The following SETD2 variants were observed in gnomAD, a reference collection of about 807,000 sequenced individuals.
SETD2 encodes the protein histone-lysine N-methyltransferase SETD2.
In SETD2, 31 loss-of-function variants were observed where a neutral mutation model predicts 242.1. The observed-to-expected ratio is 0.13, with a 90% confidence interval of 0.10 to 0.17. The LOEUF (loss-of-function observed/expected upper bound fraction) is 0.17. SETD2 is among the 10% of genes least tolerant of loss of function. SETD2 has a pLI of 1.00. For missense variants in SETD2, 2,481 were observed against 3,046.3 expected, an observed-to-expected ratio of 0.81 and a Z score of 4.37; for synonymous variants, 1,006 against 1,066.5, an observed-to-expected ratio of 0.94 and a Z score of 1.11.
At chr3:47,143,855 C>T (rs1450873471) in intron 1 of SETD2, among the ~76,000 whole-genome samples, 2 of 152,086 alleles carry the variant, frequency 1.3e-5, no homozygotes, top group African/African-American at 4.8e-5. Context: ...GGACTACAGA[C>T]ACCCACCACC....
rs961290389 is a variant in SETD2 at position 47,093,854 on chromosome 3, G to A, written c.5142+4101C>T. On this transcript the variant is annotated intron_variant, in intron 9 of 20. Coordinates refer to ENST00000409792, the MANE Select transcript of SETD2 (RefSeq NM_014159.7). Reference sequence around the variant, plus strand: ...CTTAATTTTTATCAATCTGGTGAGAGTGTAAATAACATCTAATAGTAATTT... The same window carrying A: ...CTTAATTTTTATCAATCTGGTGAGAATGTAAATAACATCTAATAGTAATTT... 3.3e-5 allele frequency among the ~76,000 whole-genome samples: 5 copies of A among 152,284 alleles called. No homozygotes were observed. The East Asian group carries it at 9.6e-4, about 29-fold the overall frequency.
intron 1 of SETD2, among the ~76,000 whole-genome samples, chr3:47,154,600 A>G (rs796124574): frequency 2.6e-5 from 4 of 152,220 alleles, no homozygotes; most frequent in African/African-American, 9.6e-5. Context: ...GAGGTGGAGC[A>G]GAGAAGAGAT....
chr3:47,121,844 T>G lies in SETD2; in HGVS notation c.2792A>C (p.Glu931Ala). The G allele has an allele frequency of 6.2e-7, 1 of 1,614,082 alleles. No individual in the cohort carries two copies. The highest frequency in any genetic ancestry group is 1.1e-5 in the South Asian group (1 of 91,080). ...LKHAGKETIV[E>A]VGSDLPDSGK... is the part of the protein sequence containing the mutation. ...TGAATCAGGAAGGTCACTACCTACT[T>G]CTACTATTGTTTCTTTCCCTGCATG... is the stretch of plus-strand genomic sequence containing the variant. The change falls in exon 3 of 21, where the codon GAA (glutamate) becomes GCA (alanine). Residue 931 changes from glutamate (E) to alanine (A), a missense_variant. Physicochemically the swap from Glu to Ala is moderately radical, Grantham distance 107. Coordinates refer to ENST00000409792, the MANE Select transcript of SETD2 (RefSeq NM_014159.7).
chr3:47,077,336 G>A lies in SETD2; in HGVS notation c.6060+6384C>T, dbSNP rs184479299. Among the ~76,000 whole-genome samples, 10 of 152,190 alleles carry A rather than the reference G, an allele frequency of 6.6e-5. No homozygotes were observed. In the East Asian group the frequency reaches 1.7e-3, roughly 26 times the overall value. ...GACCTCAGGTGATCCACCTGCCTCG[G>A]CCTCCCAAAGTGCTGGGATTACAAG... is the stretch of plus-strand genomic sequence containing the variant. On this transcript the variant is annotated intron_variant, in intron 12 of 20. Coordinates refer to ENST00000409792, the MANE Select transcript of SETD2 (RefSeq NM_014159.7).
At chr3:47,105,063 T>A (rs1176064934) in intron 6 of SETD2, among the ~76,000 whole-genome samples, 2 of 152,160 alleles carry the variant, frequency 1.3e-5, no homozygotes, top group African/African-American at 4.8e-5. Context: ...TCAGTTGTGA[T>A]TTTTAATATG....
chr3:47,097,072 T>C lies in SETD2; in HGVS notation c.5142+883A>G, dbSNP rs188458236. 2.2e-3 allele frequency among the ~76,000 whole-genome samples: 331 copies of C among 152,282 alleles called. 3 individuals are homozygous for C. Among genetic ancestry groups the C allele is most frequent in the Non-Finnish European group, 5.9e-5 (4 of 68,024 alleles). On this transcript the variant is annotated intron_variant, in intron 9 of 20. Transcript: ENST00000409792. ...CCTCATGTCTTTTTCTATCTCCCCATCTAAACAGAAAAATTGCTGTCATCT... is the reference window on the plus strand; with the variant it reads ...CCTCATGTCTTTTTCTATCTCCCCACCTAAACAGAAAAATTGCTGTCATCT...
chr3:47,025,323 T>C (rs1161520198), intron 18 of SETD2, among the ~76,000 whole-genome samples: 5 of 152,174 alleles, frequency 3.3e-5, no homozygotes, highest in African/African-American at 9.7e-5. Context: ...TTCCCCAGCA[T>C]CTCCAGTCGT....
rs141441693 is a variant in SETD2, at chr3:47,063,857, C to A, written c.6110-1511G>T. On this transcript the variant is annotated intron_variant, in intron 13 of 20. Coordinates refer to ENST00000409792, the MANE Select transcript of SETD2 (RefSeq NM_014159.7). ...AATTAGCTGGGCACGGTGGCAGGTG[C>A]CTGTAATCCTAGCTATTTGGGAGGC... Among the ~76,000 whole-genome samples, 35 of 152,120 alleles carry A rather than the reference C, an allele frequency of 2.3e-4. 1 individual carries two copies. The East Asian group carries it at 6.6e-3, about 29-fold the overall frequency.
At chr3:47,088,340 C>T (rs2107652600) in intron 9 of SETD2, 93 bp from the exon 10 acceptor site, 1 of 1,287,106 alleles carries the variant, frequency 7.8e-7, no homozygotes, top group Non-Finnish European at 1.1e-6. Flanking sequence ...TATCAATTAT[C>T]AGGAAAACAC....
At chr3:47,056,047 C>T (rs1376206068) in intron 15 of SETD2, among the ~76,000 whole-genome samples, 31 of 97,712 alleles carry the variant, frequency 3.2e-4, no homozygotes, top group African/African-American at 3.7e-4. Flanking sequence ...AAAAAAAGTT[C>T]TGCCTTGTAT....
At chr3:47,026,955 AT>A in intron 18 of SETD2, among the ~76,000 whole-genome samples, 2 of 152,052 alleles carry the variant, frequency 1.3e-5, no homozygotes, top group South Asian at 4.2e-4. Context: ...TAAAGTATAT[AT>A]ATATAAAATA....
At chr3:47,101,116 T>C (rs2042195549) in intron 8 of SETD2, among the ~76,000 whole-genome samples, 1 of 151,666 alleles carries the variant, frequency 6.6e-6, no homozygotes, top group Non-Finnish European at 1.5e-5. Context: ...TAACTGTTAA[T>C]GCTGAATAAC....
chr3:47,119,103 T>C (rs1399275563), intron 3 of SETD2, among the ~76,000 whole-genome samples: 1 of 152,280 alleles, frequency 6.6e-6, no homozygotes, highest in East Asian at 1.9e-4. Context: ...ATGGCTAGGT[T>C]GATTCTCAAC....
intron 15 of SETD2, among the ~76,000 whole-genome samples, chr3:47,055,376 A>C (rs993908669): frequency 6.6e-6 from 1 of 152,196 alleles, no homozygotes; most frequent in Non-Finnish European, 1.5e-5. Flanking sequence ...AAATGTGGTG[A>C]TGATAATGCT....
chr3:47,034,992 G>A (rs1299637275), intron 18 of SETD2, among the ~76,000 whole-genome samples: 4 of 152,130 alleles, frequency 2.6e-5, no homozygotes, highest in Non-Finnish European at 5.9e-5. Context: ...ACTTTCAAGA[G>A]CCTACTCCCC....
chr3:47,073,551 G>C (rs561331586), intron 12 of SETD2, among the ~76,000 whole-genome samples: 1 of 152,040 alleles, frequency 6.6e-6, no homozygotes, highest in Admixed American at 6.6e-5. Flanking sequence ...AAGAGTGAGA[G>C]GGAGAAGAGG....
rs181359346 is a variant in SETD2, at chr3:47,116,439, C to G, written c.4586+184G>C. The stretch of plus-strand genomic sequence containing the variant: ...GGGTACTGTAATCTAATGCACAATG[C>G]AAGGGATATTTGTTTCCCTATTAAT... On this transcript the variant is annotated intron_variant, in intron 4 of 20. Coordinates refer to ENST00000409792, the MANE Select transcript of SETD2 (RefSeq NM_014159.7). Among the ~76,000 whole-genome samples the G allele has an allele frequency of 7.2e-4, 110 of 152,252 alleles. 1 individual carries two copies. The highest frequency in any genetic ancestry group is 2.6e-3 in the African/African-American group (107 of 41,550).
intron 5 of SETD2, among the ~76,000 whole-genome samples, chr3:47,107,268 A>G (rs978326703): frequency 6.6e-6 from 1 of 152,180 alleles, no homozygotes; most frequent in African/African-American, 2.4e-5. Flanking sequence ...AAATTTTTTT[A>G]ATGTAAATCT....
chr3:47,088,254 C>A lies in SETD2; in HGVS notation c.5143-7G>T, dbSNP rs1276893972. 1 of 1,589,110 alleles carries A rather than the reference C, an allele frequency of 6.3e-7. No individual in the cohort carries two copies. Among genetic ancestry groups the A allele is most frequent in the South Asian group, 1.2e-5 (1 of 86,078 alleles). ...CTTCTAGCTCTCCATCCACCTACCACAGCAAATAAAAATACCTTTTTATAA... is the reference window on the plus strand; with the variant it reads ...CTTCTAGCTCTCCATCCACCTACCAAAGCAAATAAAAATACCTTTTTATAA... On this transcript the variant is annotated splice_region_variant and splice_polypyrimidine_tract_variant and intron_variant, in intron 9 of 20. Coordinates refer to ENST00000409792, the MANE Select transcript of SETD2 (RefSeq NM_014159.7).
Sources: allele counts gnomAD v4.1 joint callset (sites outside exome capture counted in the v4.1 genomes callset), GRCh38; gene constraint gnomAD v4.1.1; transcripts MANE v1.5; gene names NCBI Gene and HGNC (gene_info 2026-07-23, HGNC 2026-07-21).